Variants in DENND4A observed in about 807,000 individuals in gnomAD.
DENND4A encodes the protein DENN domain containing 4A, also known as C-myc promoter-binding protein.
DENND4A carries 70 observed loss-of-function variants against 199.3 expected under a neutral mutation model. The observed-to-expected ratio is 0.35, with a 90% CI of 0.29 to 0.43. The LOEUF is 0.43. Ranked by LOEUF, DENND4A falls within the 20% of genes least tolerant of loss-of-function variation. The probability of loss-of-function intolerance (pLI) is 1.00; values close to 1 mark genes in which losing one functional copy is unlikely to be tolerated. For missense variants in DENND4A, 1,723 were observed against 2,255.8 expected, an observed-to-expected ratio of 0.76 and a Z score of 4.78; for synonymous variants, 686 against 766.9, an observed-to-expected ratio of 0.89 and a Z score of 1.74.
chr15:65,741,863 T>C, intron 4 of DENND4A, 79 bp from the exon 5 acceptor site: 3 of 1,124,848 alleles, frequency 2.7e-6, no homozygotes, highest in Non-Finnish European at 3.9e-6. Context: ...TTGAGCTCTC[T>C]AGTATGTATT....
At chr15:65,719,242 C>G (rs966161947) in intron 12 of DENND4A, 4 of 151,776 alleles carry the variant, frequency 2.6e-5, no homozygotes, top group African/African-American at 9.7e-5. Flanking sequence ...TGAAAACAGA[C>G]TTTTAAAAAA....
Position 65,732,796 on chromosome 15 carries a change from T to C in DENND4A, c.1063A>G (p.Lys355Glu). Residue 355 changes from lysine (K) to glutamate (E), a missense_variant, in exon 8 of 33, where the codon AAA becomes GAA. Transcript: ENST00000443035. The stretch of plus-strand genomic sequence containing the variant: ...CTCTGAGGAGATGGAAAAGGAACTT[T>C]ATGCATAAAATGAGAAATATGCCTT... ...IEKHISHFMH[K>E]VPFPSPQRPR... 5 of 1,603,666 alleles carry C rather than the reference T, an allele frequency of 3.1e-6. No individual in the cohort carries two copies. The highest frequency in any genetic ancestry group is 4.3e-6 in the Non-Finnish European group (5 of 1,171,720).
In DENND4A at chr15:65,690,866, G is replaced by A. The variant is rs1458513202; in HGVS notation, c.3728C>T (p.Ser1243Phe). ...TTCTTCAGCTAAATCACGCCTAGCAGATGGTGTTGAAATGCTTTTGCTATC... is the reference window on the plus strand; with the variant it reads ...TTCTTCAGCTAAATCACGCCTAGCAAATGGTGTTGAAATGCTTTTGCTATC... ...EDDSKSISTPSARRDLAEEIV... is the reference protein window; with the variant it reads ...EDDSKSISTPFARRDLAEEIV... The change falls in exon 23 of 33, where the codon TCT (serine) becomes TTT (phenylalanine). Residue 1243 changes from serine to phenylalanine, a missense_variant. By Grantham distance (155) the Ser-to-Phe change is radical. Around this residue, in one of 6 missense-constraint regions of DENND4A, gnomAD observed 650 missense variants for 738.1 expected, o/e 0.88. Transcript: ENST00000443035. The A allele has an allele frequency of 1.2e-6, 2 of 1,611,970 alleles. No individual in the cohort carries two copies. The highest frequency in any genetic ancestry group is 8.5e-7 in the Non-Finnish European group (1 of 1,179,180).
Position 65,692,018 on chromosome 15 carries a change from G to C in DENND4A, c.3083-507C>G, listed in dbSNP as rs538977779. Among the ~76,000 whole-genome samples the C allele has an allele frequency of 4.7e-4, 66 of 141,442 alleles. No homozygotes were observed. The South Asian group carries it at 0.014, about 29-fold the overall frequency. The allele number at this position is 141,442 out of a possible 152,430, so 92.8% of individuals were successfully genotyped here. A position where few individuals can be genotyped will look rare whatever the true frequency, so the allele number is the denominator to read the frequency against. On this transcript the variant is annotated intron_variant, in intron 22 of 32. Transcript: ENST00000443035. The stretch of plus-strand genomic sequence containing the variant: ...GGATCTCACTATGTTGCCCAAGTTG[G>C]TCTTGAACTCTTGGGCTCAAGAAAT...
At chr15:65,706,036 A>G in intron 15 of DENND4A, 55 bp downstream of exon 15, 1 of 1,434,478 alleles carries the variant, frequency 7.0e-7, no homozygotes, top group Non-Finnish European at 9.2e-7. Flanking sequence ...AAGCTACGTC[A>G]CAGATGATGG....
intron 23 of DENND4A, 25 bp downstream of exon 23, chr15:65,690,390 A>T: frequency 2.0e-6 from 3 of 1,531,976 alleles, no homozygotes; most frequent in Non-Finnish European, 2.6e-6. Flanking sequence ...TGACAGTAAA[A>T]GTAGCAAATA....
At chr15:65,741,599 CG>C (rs1211300691) in intron 5 of DENND4A, 115 bp downstream of exon 5, 10 of 648,254 alleles carry the variant, frequency 1.5e-5, no homozygotes, top group Middle Eastern at 2.6e-4. Flanking sequence ...TCAGAAGATA[CG>C]GATTGTAGTC....
chr15:65,740,665 C>A (rs935794708), intron 5 of DENND4A, among the ~76,000 whole-genome samples: 2 of 151,078 alleles, frequency 1.3e-5, no homozygotes, highest in African/African-American at 4.9e-5. Flanking sequence ...AATTGTAGAT[C>A]TAAAAATATC....
chr15:65,745,408 G>T (rs2076362023), intron 4 of DENND4A, among the ~76,000 whole-genome samples: 1 of 151,994 alleles, frequency 6.6e-6, no homozygotes. Flanking sequence ...TGAGATTGTA[G>T]CCTTGGGAAA....
At position 65,667,999 on chromosome 15, in the gene DENND4A, A is replaced by C; in HGVS notation, c.4912T>G (p.Leu1638Val). 2 of 1,609,718 alleles carry C rather than the reference A, an allele frequency of 1.2e-6. No individual in the cohort carries two copies. The highest frequency in any genetic ancestry group is 4.5e-5 in the East Asian group (2 of 44,858). Residue 1638 changes from leucine (L) to valine (V), a missense_variant, in exon 28 of 33, where the codon TTG (leucine) becomes GTG (valine). This residue lies in a region of DENND4A where 141 missense variants were observed against 170.7 expected (regional missense o/e 0.83). Transcript: ENST00000443035. The stretch of plus-strand genomic sequence containing the variant: ...TGTCTTCCAGTATCTTCCTTATCCA[A>C]GGGGCCAGAAGTACTAATACTCCTG... ...MARSISTSGP[L>V]DKEDTGRQKL...
At position 65,702,328 on chromosome 15, in the gene DENND4A, T is replaced by C. The variant is rs1319558029; in HGVS notation, c.2407A>G (p.Lys803Glu). ...ACCTCATCAGGTGGATCCATCTTCTTTGACTGCATTTTTTTAAGCACATCA... is the reference window on the plus strand; with the variant it reads ...ACCTCATCAGGTGGATCCATCTTCTCTGACTGCATTTTTTTAAGCACATCA... ...AYDVLKKMQSKKMDPPDEVCY... is the reference protein window; with the variant it reads ...AYDVLKKMQSEKMDPPDEVCY... The change falls in exon 17 of 33, where the codon AAG (lysine) becomes GAG (glutamate). Residue 803 changes from lysine (K) to glutamate (E), a missense_variant. Transcript: ENST00000443035. 2 of 1,552,066 alleles carry C rather than the reference T, an allele frequency of 1.3e-6. No homozygotes were observed. The highest frequency in any genetic ancestry group is 1.7e-6 in the Non-Finnish European group (2 of 1,147,142).
At chr15:65,755,999 T>C in intron 3 of DENND4A, 141 bp downstream of exon 3, 1 of 733,734 alleles carries the variant, frequency 1.4e-6, no homozygotes. Flanking sequence ...AGGGAGAGAA[T>C]ACAGGTTTCT....
chr15:65,783,731 C>A (rs1345995686), intron 1 of DENND4A, among the ~76,000 whole-genome samples: 1 of 151,598 alleles, frequency 6.6e-6, no homozygotes, highest in Non-Finnish European at 1.5e-5. Flanking sequence ...ATTTGAGCAA[C>A]AAAATAAATA....
intron 1 of DENND4A, among the ~76,000 whole-genome samples, chr15:65,779,919 T>A (rs2077391411): frequency 6.6e-6 from 1 of 151,240 alleles, no homozygotes; most frequent in African/African-American, 2.4e-5. Flanking sequence ...TTATTTATTT[T>A]TGGAGAAATG....
At chr15:65,721,235 T>C (rs1027710094) in intron 12 of DENND4A, among the ~76,000 whole-genome samples, 10 of 151,974 alleles carry the variant, frequency 6.6e-5, no homozygotes, top group African/African-American at 1.9e-4. Flanking sequence ...GCATGATTTA[T>C]TTGTTCCATA....
At chr15:65,675,228 G>C (rs2076338950) in intron 24 of DENND4A, among the ~76,000 whole-genome samples, 3 of 152,122 alleles carry the variant, frequency 2.0e-5, no homozygotes, top group Non-Finnish European at 4.4e-5. Flanking sequence ...ATATGTGACA[G>C]AGGTGTATGT....
chr15:65,704,486 C>A (rs1447246974), intron 15 of DENND4A, among the ~76,000 whole-genome samples: 1 of 152,208 alleles, frequency 6.6e-6, no homozygotes, highest in Non-Finnish European at 1.5e-5. Context: ...GATCCTTCCA[C>A]CTCAGCCTCC....
intron 9 of DENND4A, chr15:65,731,366 TCTC>T (rs1187594112): frequency 1.7e-5 from 8 of 476,626 alleles, no homozygotes; most frequent in Non-Finnish European, 3.3e-5. Flanking sequence ...AAATAACTGT[TCTC>T]ATCATCTACA....
intron 14 of DENND4A, among the ~76,000 whole-genome samples, chr15:65,708,388 C>T (rs1171197099): frequency 6.6e-6 from 1 of 152,122 alleles, no homozygotes; most frequent in Non-Finnish European, 1.5e-5. Flanking sequence ...TTTCCATTCT[C>T]TAGCCATATT....
Sources: gnomAD v4.1 joint callset for allele counts (sites outside exome capture counted in the v4.1 genomes callset) on GRCh38, gnomAD v4.1.1 for gene constraint, gnomAD v4.1.1 regional missense constraint, MANE v1.5 for transcripts, NCBI Gene and HGNC (gene_info 2026-07-23, HGNC 2026-07-21) for gene names.